Variants in EFCAB13 observed in about 807,000 individuals in gnomAD.
EFCAB13 encodes the protein EF-hand calcium-binding domain-containing protein 13.
EFCAB13 carries 91 observed loss-of-function variants against 110.2 expected under a neutral mutation model. That is an observed-to-expected ratio of 0.83 (90% CI 0.70 to 0.98). The LOEUF is 0.98. Ranked by LOEUF, EFCAB13 falls within the 50% of genes least tolerant of loss-of-function variation. The pLI is 0.00. For missense variants in EFCAB13, 968 were observed against 1,119.4 expected (o/e 0.86, Z 1.93); for synonymous variants, 323 against 369.9 (o/e 0.87, Z 1.45).
intron 14 of EFCAB13, 39 bp from the exon 15 acceptor site, chr17:47,391,398 T>G (rs776005155): frequency 2.1e-6 from 3 of 1,424,930 alleles, no homozygotes; most frequent in Non-Finnish European, 2.8e-6. Flanking sequence ...TATTTTTGAC[T>G]TATATTTAAT....
intron 14 of EFCAB13, among the ~76,000 whole-genome samples, chr17:47,389,105 A>G (rs1238697390): frequency 6.6e-6 from 1 of 152,098 alleles, no homozygotes; most frequent in Non-Finnish European, 1.5e-5. Context: ...GAATCATTGC[A>G]CACTGCAGCC....
At chr17:47,331,512 A>AC (rs1331915993) in intron 4 of EFCAB13, among the ~76,000 whole-genome samples, 1 of 152,090 alleles carries the variant, frequency 6.6e-6, no homozygotes. Context: ...TGCACAGCTT[A>AC]CCCTGCTATC....
chr17:47,361,561 G>C, intron 10 of EFCAB13, 40 bp downstream of exon 10: 1 of 1,501,988 alleles, frequency 6.7e-7, no homozygotes, highest in Non-Finnish European at 9.1e-7. Flanking sequence ...CCATATATAT[G>C]TGCATATATT....
In EFCAB13 at chr17:47,343,154, A is replaced by T. The variant is rs193226432; in HGVS notation, c.304-1008A>T. On this transcript the variant is annotated intron_variant, in intron 6 of 24. Coordinates refer to ENST00000331493, the MANE Select transcript of EFCAB13 (RefSeq NM_152347.5). ...TTATATATATTTTGTACATTCTTTC[A>T]TATATAGTTGATCTAAATCTGTGGG... Among the ~76,000 whole-genome samples the T allele has an allele frequency of 3.3e-5, 5 of 152,164 alleles. No homozygotes were observed. The East Asian group carries it at 9.6e-4, about 29-fold the overall frequency.
intron 23 of EFCAB13, among the ~76,000 whole-genome samples, chr17:47,420,546 G>A (rs1311894362): frequency 2.0e-5 from 3 of 151,912 alleles, no homozygotes; most frequent in East Asian, 1.9e-4. Context: ...AGTGAGGAGC[G>A]TCTCTGCCCG....
intron 4 of EFCAB13, 130 bp downstream of exon 4, chr17:47,328,513 G>GGT: frequency 1.4e-6 from 1 of 701,412 alleles, no homozygotes; most frequent in Non-Finnish European, 2.4e-6. Context: ...CCAAGTAACT[G>GGT]AGATGATGTT....
intron 21 of EFCAB13, among the ~76,000 whole-genome samples, chr17:47,411,798 G>A (rs887575551): frequency 6.6e-6 from 1 of 152,172 alleles, no homozygotes; most frequent in African/African-American, 2.4e-5. Flanking sequence ...AAATGGTACA[G>A]ATGAAAAATT....
At chr17:47,433,088 T>C (rs1905149672) in intron 24 of EFCAB13, among the ~76,000 whole-genome samples, 1 of 152,222 alleles carries the variant, frequency 6.6e-6, no homozygotes, top group Admixed American at 6.5e-5. Context: ...TCATGTCTTA[T>C]TAGCCTTCTC....
intron 23 of EFCAB13, among the ~76,000 whole-genome samples, chr17:47,421,559 C>T (rs983256110): frequency 6.6e-6 from 1 of 151,046 alleles, no homozygotes; most frequent in African/African-American, 2.4e-5. Flanking sequence ...TGCTGACCTT[C>T]CCTCCACTAT....
intron 4 of EFCAB13, among the ~76,000 whole-genome samples, chr17:47,329,216 G>C (rs904755580): frequency 6.6e-6 from 1 of 152,014 alleles, no homozygotes; most frequent in Non-Finnish European, 1.5e-5. Context: ...AGTAAACAAG[G>C]GGGGCATTCC....
intron 5 of EFCAB13, among the ~76,000 whole-genome samples, chr17:47,336,775 A>G (rs952782660): frequency 2.6e-5 from 4 of 151,952 alleles, no homozygotes; most frequent in Non-Finnish European, 5.9e-5. Context: ...TTTCTTGTAT[A>G]CTGCATTGCC....
chr17:47,375,857 T>G (rs1401012618), intron 12 of EFCAB13, among the ~76,000 whole-genome samples: 1 of 152,156 alleles, frequency 6.6e-6, no homozygotes, highest in Non-Finnish European at 1.5e-5. Context: ...TATATAATAT[T>G]CATAGTACTT....
chr17:47,361,420 G>A lies in EFCAB13; in HGVS notation c.704G>A (p.Gly235Asp). 1.2e-6 allele frequency: 2 copies of A among 1,613,868 alleles called. No homozygotes were observed. Among genetic ancestry groups the A allele is most frequent in the South Asian group, 2.2e-5 (2 of 91,068 alleles). Residue 235 changes from glycine (G) to aspartate (D), a missense_variant, in exon 10 of 25, where the codon GGT becomes GAT. Gly to Asp is a moderately conservative substitution (Grantham distance 94). Coordinates refer to ENST00000331493, the MANE Select transcript of EFCAB13 (RefSeq NM_152347.5). ...ALKIFCRIKG[G>D]RVSTDDVFAV... is the part of the protein sequence containing the mutation. ...AAGATTTTCTGTAGGATAAAAGGTG[G>A]TCGAGTTTCAACTGATGACGTGTTT...
chr17:47,356,478 A>G (rs990327089), intron 9 of EFCAB13, among the ~76,000 whole-genome samples: 8 of 152,104 alleles, frequency 5.3e-5, no homozygotes, highest in African/African-American at 1.9e-4. Flanking sequence ...AAACTGCAGT[A>G]ATTGTTATTT....
chr17:47,380,880 C>CTTT lies in EFCAB13; in HGVS notation c.1582+1645_1582+1647dup, dbSNP rs751480738. 8.2e-3 allele frequency among the ~76,000 whole-genome samples: 1,012 copies of CTTT among 122,708 alleles called. 14 individuals are homozygous for CTTT. Among genetic ancestry groups the CTTT allele is most frequent in the African/African-American group, 0.019 (631 of 32,906 alleles). The allele number at this position is 122,708 out of a possible 152,430, so 80.5% of individuals were successfully genotyped here. The stretch of plus-strand genomic sequence containing the variant: ...TTGTTGGCCGCATAAATTGCTTCTT[C>CTTT]TTTTTTTTTTTTTTTTTTTTGAGAC... On this transcript the variant is annotated intron_variant, in intron 14 of 24. Coordinates refer to ENST00000331493, the MANE Select transcript of EFCAB13 (RefSeq NM_152347.5).
At chr17:47,390,584 A>C (rs1252586329) in intron 14 of EFCAB13, among the ~76,000 whole-genome samples, 1 of 152,194 alleles carries the variant, frequency 6.6e-6, no homozygotes, top group Non-Finnish European at 1.5e-5. Flanking sequence ...CCAAGTTATT[A>C]TAAGAAGAGA....
intron 6 of EFCAB13, among the ~76,000 whole-genome samples, chr17:47,342,256 C>T (rs1425425675): frequency 1.3e-5 from 2 of 150,968 alleles, no homozygotes; most frequent in African/African-American, 2.4e-5. Context: ...TGTGTTTTTT[C>T]CCTATTAAAC....
At chr17:47,400,965 A>G (rs746509904) in intron 17 of EFCAB13, among the ~76,000 whole-genome samples, 2 of 152,310 alleles carry the variant, frequency 1.3e-5, no homozygotes, top group Non-Finnish European at 1.5e-5. Context: ...ATAAAAGTAT[A>G]AAAGAAGCAT....
At chr17:47,409,815 C>A in intron 21 of EFCAB13, 124 bp downstream of exon 21, 1 of 705,474 alleles carries the variant, frequency 1.4e-6, no homozygotes, top group Non-Finnish European at 2.5e-6. Flanking sequence ...TATTTTTCCA[C>A]AATAGTAATC....
Sources: allele counts gnomAD v4.1 joint callset (sites outside exome capture counted in the v4.1 genomes callset), GRCh38; gene constraint gnomAD v4.1.1; transcripts MANE v1.5; gene names NCBI Gene and HGNC (gene_info 2026-07-23, HGNC 2026-07-21).